TSHZ2: variants seen among roughly 807,000 people sequenced by gnomAD.
TSHZ2 encodes teashirt homolog 2.
Under a neutral mutation model 74.4 loss-of-function variants are expected in TSHZ2, and 21 were observed. That is an observed-to-expected ratio of 0.28 (90% CI 0.20 to 0.41). The LOEUF (loss-of-function observed/expected upper bound fraction) is 0.41. Ranked by LOEUF, TSHZ2 falls within the 10% of genes least tolerant of loss-of-function variation. TSHZ2 has a pLI of 1.00. For synonymous variants in TSHZ2, 540 were observed against 515.3 expected, an observed-to-expected ratio of 1.05 and a Z score of -0.65; for missense variants, 1,244 against 1,293.5, an observed-to-expected ratio of 0.96 and a Z score of 0.59.
rs556653388 is a variant in TSHZ2, at chr20:53,044,783, C to T, written c.40+71450C>T. ...GGAGTACAGTGATGCAATCACAGCTCGCTGCAGCCCTGAACTCCTGGGTTC... is the reference window on the plus strand; with the variant it reads ...GGAGTACAGTGATGCAATCACAGCTTGCTGCAGCCCTGAACTCCTGGGTTC... On this transcript the variant is annotated intron_variant, in intron 1 of 2. Coordinates refer to ENST00000371497, the MANE Select transcript of TSHZ2 (RefSeq NM_173485.6). 3.4e-4 allele frequency among the ~76,000 whole-genome samples: 51 copies of T among 152,234 alleles called. 1 individual carries two copies. Among genetic ancestry groups the T allele is most frequent in the Admixed American group, 1.0e-3 (16 of 15,288 alleles).
intron 1 of TSHZ2, among the ~76,000 whole-genome samples, chr20:53,009,881 A>G (rs909327920): frequency 6.6e-6 from 1 of 152,220 alleles, no homozygotes; most frequent in African/African-American, 2.4e-5. Context: ...CCCCAAAAAA[A>G]GACCTACATT....
chr20:53,423,260 T>C (rs1221450498), intron 2 of TSHZ2, among the ~76,000 whole-genome samples: 4 of 152,072 alleles, frequency 2.6e-5, no homozygotes, highest in African/African-American at 9.7e-5. Flanking sequence ...ATTAGCCATG[T>C]ATGGTGTTGG....
rs1410399281 is a variant in TSHZ2 at position 53,170,169 on chromosome 20, G to T, written c.41-83330G>T. 2.0e-5 allele frequency among the ~76,000 whole-genome samples: 3 copies of T among 152,150 alleles called. No homozygotes were observed. In the East Asian group the frequency reaches 5.8e-4, roughly 29 times the overall value. ...GAGATCTATTCAGCCCCAAAGTCTA[G>T]ACTTTGTCTTTCGATTACACTGCTT... On this transcript the variant is annotated intron_variant, in intron 1 of 2. Coordinates refer to ENST00000371497, the MANE Select transcript of TSHZ2 (RefSeq NM_173485.6).
chr20:53,268,197 T>C (rs984959476), intron 2 of TSHZ2, among the ~76,000 whole-genome samples: 1 of 151,406 alleles, frequency 6.6e-6, no homozygotes, highest in African/African-American at 2.5e-5. Context: ...CATTTTCATG[T>C]TGGAGCCTCC....
intron 2 of TSHZ2, chr20:53,399,171 A>G (rs1354620573): frequency 6.6e-6 from 1 of 152,218 alleles, no homozygotes; most frequent in Non-Finnish European, 1.5e-5. Flanking sequence ...GTAAGGAATC[A>G]TGCATAATGG....
At chr20:53,454,599 T>TTA (rs1984973167) in intron 2 of TSHZ2, among the ~76,000 whole-genome samples, 1 of 151,438 alleles carries the variant, frequency 6.6e-6, no homozygotes, top group Admixed American at 6.6e-5. Flanking sequence ...TAATGTTAAA[T>TTA]GTGTTAATGT....
chr20:53,160,594 C>A (rs1464977893), intron 1 of TSHZ2, among the ~76,000 whole-genome samples: 1 of 151,956 alleles, frequency 6.6e-6, no homozygotes, highest in Non-Finnish European at 1.5e-5. Context: ...CATGACAAAA[C>A]CCTGTCCCTA....
At chr20:53,084,695 C>CTCCT (rs1284218936) in intron 1 of TSHZ2, among the ~76,000 whole-genome samples, 8 of 23,196 alleles carry the variant, frequency 3.4e-4, no homozygotes, top group African/African-American at 1.2e-3. Context: ...CCCTCCCTCT[C>CTCCT]TCCCTCTCTC....
At chr20:53,286,644 G>A (rs1991172407) in intron 2 of TSHZ2, among the ~76,000 whole-genome samples, 1 of 152,054 alleles carries the variant, frequency 6.6e-6, no homozygotes, top group African/African-American at 2.4e-5. Flanking sequence ...CAGCACTTTG[G>A]GTGACTAAAG....
intron 1 of TSHZ2, among the ~76,000 whole-genome samples, chr20:53,247,800 G>A (rs1301061967): frequency 6.6e-6 from 1 of 152,156 alleles, no homozygotes; most frequent in Admixed American, 6.5e-5. Flanking sequence ...TTGAATTCTG[G>A]TTTAGTTTTT....
At chr20:52,991,815 G>A (rs1392941656) in intron 1 of TSHZ2, among the ~76,000 whole-genome samples, 1 of 152,120 alleles carries the variant, frequency 6.6e-6, no homozygotes, top group Admixed American at 6.5e-5. Context: ...GGGAAAGAGT[G>A]TGAAAAGCTT....
At chr20:53,289,713 G>A (rs57343470) in intron 2 of TSHZ2, among the ~76,000 whole-genome samples, 7,664 of 152,142 alleles carry the variant, frequency 0.05, 293 homozygotes, top group East Asian at 0.23. Flanking sequence ...GCTGAGACCT[G>A]AATGAATCAA....
chr20:53,237,376 A>C (rs2426471), intron 1 of TSHZ2, among the ~76,000 whole-genome samples: 45,669 of 151,950 alleles, frequency 0.3, 7,049 homozygotes, highest in African/African-American at 0.37. Context: ...AAACCAAAGA[A>C]AGGAGAATAT....
chr20:52,999,153 C>T (rs1600638127), intron 1 of TSHZ2, among the ~76,000 whole-genome samples: 2 of 152,088 alleles, frequency 1.3e-5, no homozygotes. Context: ...GAGTCTGAGG[C>T]CTCATGCTCT....
At chr20:53,001,224 G>GTGTGTGTGTGTATA (rs1555813603) in intron 1 of TSHZ2, among the ~76,000 whole-genome samples, 30 of 147,844 alleles carry the variant, frequency 2.0e-4, no homozygotes, top group African/African-American at 7.1e-4. Flanking sequence ...GTGTGTGTGT[G>GTGTGTGTGTGTATA]TGTGTGTGTG....
At chr20:53,278,471 G>A (rs533280285) in intron 2 of TSHZ2, among the ~76,000 whole-genome samples, 1 of 152,004 alleles carries the variant, frequency 6.6e-6, no homozygotes, top group East Asian at 2.0e-4. Context: ...CATGTCATTT[G>A]AAGTATACCC....
At chr20:53,324,373 T>G (rs1156433719) in intron 2 of TSHZ2, among the ~76,000 whole-genome samples, 2 of 152,104 alleles carry the variant, frequency 1.3e-5, no homozygotes, top group African/African-American at 2.4e-5. Context: ...TTTTTGGTTT[T>G]GTTTTGTTTT....
intron 2 of TSHZ2, among the ~76,000 whole-genome samples, chr20:53,369,636 G>T (rs1981395770): frequency 6.6e-6 from 1 of 152,046 alleles, no homozygotes; most frequent in South Asian, 2.1e-4. Flanking sequence ...ACTTGAACCT[G>T]GGAGGCAGAG....
intron 2 of TSHZ2, among the ~76,000 whole-genome samples, chr20:53,483,436 A>C (rs1218518988): frequency 6.6e-6 from 1 of 152,200 alleles, no homozygotes; most frequent in African/African-American, 2.4e-5. Flanking sequence ...GATTGAGCCC[A>C]GGAGATCGAG....
Sources: allele counts gnomAD v4.1 joint callset (sites outside exome capture counted in the v4.1 genomes callset), GRCh38; gene constraint gnomAD v4.1.1; transcripts MANE v1.5; gene names NCBI Gene and HGNC (gene_info 2026-07-23, HGNC 2026-07-21).